Variants in USP34 observed in about 807,000 individuals in gnomAD.
USP34 encodes ubiquitin carboxyl-terminal hydrolase 34.
A neutral mutation model predicts 460.3 loss-of-function variants in USP34; 70 were observed. The observed-to-expected ratio is 0.15, with a 90% CI of 0.13 to 0.19. The LOEUF (loss-of-function observed/expected upper bound fraction) is 0.19. USP34 is among the 10% of genes least tolerant of loss of function. USP34 has a pLI of 1.00. For missense variants in USP34, 3,985 were observed against 4,236.2 expected (o/e 0.94, Z 1.65); for synonymous variants, 1,647 against 1,405.3 (o/e 1.17, Z -3.85).
At chr2:61,355,324 T>C (rs1346233569) in intron 10 of USP34, among the ~76,000 whole-genome samples, 1 of 152,184 alleles carries the variant, frequency 6.6e-6, no homozygotes, top group African/African-American at 2.4e-5. Flanking sequence ...TTACAGATAA[T>C]ACTGAAATTT....
chr2:61,460,705 C>T (rs577954270), intron 1 of USP34, among the ~76,000 whole-genome samples: 1 of 152,150 alleles, frequency 6.6e-6, no homozygotes, highest in South Asian at 2.1e-4. Context: ...AGGTAGAAGG[C>T]CGGGTGTGGC....
In USP34 at chr2:61,416,963, G is replaced by A. The variant is rs561483619; in HGVS notation, c.131+3783C>T. The A allele has an allele frequency of 4.0e-5, 51 of 1,279,254 alleles. No individual in the cohort carries two copies. The East Asian group carries it at 9.8e-4, about 25-fold the overall frequency. 79.2% of individuals were successfully genotyped at this position (1,279,254 alleles called of 1,614,324 possible). On this transcript the variant is annotated intron_variant, in intron 2 of 79. Transcript: ENST00000398571. ...ACCCCACAGCCATCTGGGATGAGCC[G>A]CTTCTCAGCCACCATATCTTCAAAT...
At chr2:61,401,663 C>T (rs1381221824) in intron 3 of USP34, among the ~76,000 whole-genome samples, 2 of 149,560 alleles carry the variant, frequency 1.3e-5, no homozygotes, top group Non-Finnish European at 3.0e-5. Context: ...ATTCTCCTTC[C>T]TCAGCCTCCA....
intron 3 of USP34, among the ~76,000 whole-genome samples, chr2:61,397,761 T>C (rs1195687988): frequency 6.6e-6 from 1 of 152,018 alleles, no homozygotes; most frequent in East Asian, 1.9e-4. Flanking sequence ...TAGCTGGGCG[T>C]GGTGGCACAC....
intron 43 of USP34, among the ~76,000 whole-genome samples, chr2:61,264,706 C>A (rs1688994133): frequency 6.6e-6 from 1 of 151,956 alleles, no homozygotes; most frequent in South Asian, 2.1e-4. Context: ...ACTCTAAAAG[C>A]AGTACAAAAG....
intron 48 of USP34, among the ~76,000 whole-genome samples, chr2:61,249,189 T>C (rs1357737298): frequency 4.6e-5 from 7 of 152,244 alleles, no homozygotes; most frequent in Admixed American, 2.6e-4. Flanking sequence ...TTGAGAACTT[T>C]AAGGCATTTT....
intron 2 of USP34, among the ~76,000 whole-genome samples, chr2:61,408,912 A>G (rs1327674639): frequency 6.6e-6 from 1 of 151,848 alleles, no homozygotes; most frequent in African/African-American, 2.4e-5. Flanking sequence ...ACAAACAAAA[A>G]CAAAGTGAGG....
intron 48 of USP34, among the ~76,000 whole-genome samples, chr2:61,251,136 T>TC (rs1197179536): frequency 6.6e-6 from 1 of 151,850 alleles, no homozygotes; most frequent in Non-Finnish European, 1.5e-5. Flanking sequence ...AGACTCCATC[T>TC]CAAAAAAAAT....
intron 1 of USP34, among the ~76,000 whole-genome samples, chr2:61,457,565 T>A (rs1372221656): frequency 3.9e-5 from 6 of 152,160 alleles, no homozygotes; most frequent in Non-Finnish European, 5.9e-5. Context: ...GGTACTAATA[T>A]CACGAACTAG....
At chr2:61,201,859 T>C (rs1319947178) in intron 75 of USP34, among the ~76,000 whole-genome samples, 1 of 152,230 alleles carries the variant, frequency 6.6e-6, no homozygotes, top group Admixed American at 6.5e-5. Context: ...TACCCTTCTT[T>C]ATATGGGAGC....
intron 43 of USP34, among the ~76,000 whole-genome samples, chr2:61,262,136 T>TAG (rs1558497389): frequency 8.0e-6 from 1 of 124,280 alleles, no homozygotes; most frequent in African/African-American, 3.2e-5. Context: ...TATATATAGA[T>TAG]AGATAGATAG....
chr2:61,298,251 G>A (rs1690095509), intron 29 of USP34, among the ~76,000 whole-genome samples: 1 of 151,056 alleles, frequency 6.6e-6, no homozygotes, highest in Non-Finnish European at 1.5e-5. Flanking sequence ...GCTGGGTGCA[G>A]TGGCTCCCAC....
At chr2:61,325,620 A>G (rs563264758) in intron 20 of USP34, among the ~76,000 whole-genome samples, 163 bp from the exon 21 acceptor site, 1 of 152,276 alleles carries the variant, frequency 6.6e-6, no homozygotes, top group East Asian at 1.9e-4. Flanking sequence ...TAAAGGCAAA[A>G]CAAAAAAATT....
At chr2:61,441,605 C>T (rs907864493) in intron 1 of USP34, among the ~76,000 whole-genome samples, 1 of 151,816 alleles carries the variant, frequency 6.6e-6, no homozygotes, top group Admixed American at 6.6e-5. Flanking sequence ...TAGGGCTGCT[C>T]CTGCCACCAC....
At chr2:61,458,267 A>G (rs1695494772) in intron 1 of USP34, among the ~76,000 whole-genome samples, 2 of 152,102 alleles carry the variant, frequency 1.3e-5, no homozygotes, top group South Asian at 4.1e-4. Flanking sequence ...AAAGCATAAG[A>G]AGGTATATAC....
intron 20 of USP34, among the ~76,000 whole-genome samples, chr2:61,330,845 G>A (rs1415854719): frequency 1.3e-4 from 20 of 152,036 alleles, no homozygotes; most frequent in Admixed American, 1.0e-3. Flanking sequence ...CCTTCCACAC[G>A]TCCTAAACTT....
In USP34 at chr2:61,339,586, T is replaced by C. The variant is rs780706463; in HGVS notation, c.2596A>G (p.Ile866Val). 6.3e-6 allele frequency: 10 copies of C among 1,577,592 alleles called. No individual in the cohort carries two copies. In the Admixed American group the frequency reaches 9.8e-5, roughly 15 times the overall value. The change falls in exon 17 of 80, where the codon ATA (isoleucine) becomes GTA (valine). Residue 866 changes from isoleucine (I) to valine (V), a missense_variant. Ile to Val is a conservative substitution (Grantham distance 29). This residue lies in a region of USP34 where 46 missense variants were observed against 83.1 expected (regional missense o/e 0.55). Transcript: ENST00000398571. ...CTTACTGCATCTTCATCTTGGACTA[T>C]ATCCCACAACAAAGTATTTCCTTTC... ...CKKGNTLLWD[I>V]VQDEDAVNLS...
chr2:61,462,114 C>T (rs957414230), intron 1 of USP34, among the ~76,000 whole-genome samples: 1 of 151,770 alleles, frequency 6.6e-6, no homozygotes, highest in Non-Finnish European at 1.5e-5. Flanking sequence ...TGGCAGTTGC[C>T]TGTAATCACA....
intron 5 of USP34, among the ~76,000 whole-genome samples, chr2:61,389,864 GA>G (rs200900099): frequency 1.0e-4 from 15 of 149,890 alleles, no homozygotes; most frequent in African/African-American, 3.4e-4. Context: ...GGGAAAAAAA[GA>G]AAAAAAAAGT....
Sources: allele counts gnomAD v4.1 joint callset (sites outside exome capture counted in the v4.1 genomes callset), GRCh38; gene constraint gnomAD v4.1.1; regional missense constraint gnomAD v4.1.1; transcripts MANE v1.5; gene names NCBI Gene and HGNC (gene_info 2026-07-23, HGNC 2026-07-21).